The following DNAH17 variants were observed in gnomAD, a reference collection of about 807,000 sequenced individuals.
DNAH17 encodes axonemal beta dynein heavy chain 17.
A neutral mutation model predicts 485.6 loss-of-function variants in DNAH17; 376 were observed. That is an observed-to-expected ratio of 0.77 (90% CI 0.71 to 0.84). DNAH17 has a LOEUF of 0.84. Ranked by LOEUF, DNAH17 falls within the 40% of genes least tolerant of loss-of-function variation. The pLI is 0.00. For synonymous variants in DNAH17, 3,031 were observed against 2,405.9 expected, an observed-to-expected ratio of 1.26 and a Z score of -7.60; for missense variants, 6,370 against 5,839.3, an observed-to-expected ratio of 1.09 and a Z score of -2.96.
chr17:78,492,599 C>T, intron 42 of DNAH17, 34 bp downstream of exon 42: 2 of 1,610,230 alleles, frequency 1.2e-6, no homozygotes, highest in Non-Finnish European at 1.7e-6. Flanking sequence ...ACCAGGAGTG[C>T]CCCTGCAGCC....
chr17:78,570,802 G>A lies in DNAH17; in HGVS notation c.918+146C>T. 6.8e-6 allele frequency: 4 copies of A among 590,190 alleles called. No homozygotes were observed. In the South Asian group the frequency reaches 8.8e-5, roughly 13 times the overall value. The allele number at this position is 590,190 out of a possible 1,614,324, so 36.6% of individuals were successfully genotyped here. On this transcript the variant is annotated intron_variant, in intron 6 of 80. Coordinates refer to ENST00000389840, the MANE Select transcript of DNAH17 (RefSeq NM_173628.4). ...GAACCAGGGAGTTGGAGGTTGCAGTGAGCCGAGATCGCGCCACAGCACTCT... is the reference window on the plus strand; with the variant it reads ...GAACCAGGGAGTTGGAGGTTGCAGTAAGCCGAGATCGCGCCACAGCACTCT...
chr17:78,467,629 GA>G (rs2088537278), intron 55 of DNAH17, among the ~76,000 whole-genome samples: 1 of 152,166 alleles, frequency 6.6e-6, no homozygotes, highest in Non-Finnish European at 1.5e-5. Context: ...AGAGCTATGG[GA>G]TTGGCACCCC....
chr17:78,544,128 C>T (rs867251810), intron 16 of DNAH17, 131 bp from the exon 17 acceptor site: 16 of 1,289,230 alleles, frequency 1.2e-5, no homozygotes, highest in African/African-American at 5.9e-5. Flanking sequence ...TAGTTCTCCA[C>T]GATCCATGCC....
At position 78,444,587 on chromosome 17, in the gene DNAH17, C is replaced by CGCG; in HGVS notation, c.11528+14_11528+16dup. The stretch of plus-strand genomic sequence containing the variant: ...TGGGCCTCGGGGGCGGGGCCCCCGG[C>CGCG]GCGGCGGGACACTCACTTGATAGCG... On this transcript the variant is annotated intron_variant, in intron 71 of 80. Transcript: ENST00000389840. 6.5e-7 allele frequency: 1 copy of CGCG among 1,535,180 alleles called. No individual in the cohort carries two copies. The highest frequency in any genetic ancestry group is 8.8e-7 in the Non-Finnish European group (1 of 1,141,930).
chr17:78,447,410 G>A (rs924719761), intron 69 of DNAH17, among the ~76,000 whole-genome samples: 8 of 152,132 alleles, frequency 5.3e-5, no homozygotes, highest in African/African-American at 1.7e-4. Flanking sequence ...TGTGGGCAGG[G>A]TCTGGGTCAT....
At position 78,495,018 on chromosome 17, in the gene DNAH17, G is replaced by A. The variant is rs1014858274; in HGVS notation, c.5983C>T (p.Leu1995Phe). Residue 1995 changes from leucine to phenylalanine, a missense_variant, in exon 39 of 81, where the codon CTT (leucine) becomes TTT (phenylalanine). Leu to Phe is a conservative substitution (Grantham distance 22). Transcript: ENST00000389840. ...LMAEGFLEAR[L>F]LARKFITLYT... ...AGGGTGATGAACTTCCTGGCCAGAA[G>A]GCGGGCTTCCAGAAAGCCCTCGGCC... is the stretch of plus-strand genomic sequence containing the variant. 1.2e-6 allele frequency: 2 copies of A among 1,612,864 alleles called. No individual in the cohort carries two copies. The highest frequency in any genetic ancestry group is 1.3e-5 in the African/African-American group (1 of 75,048).
intron 19 of DNAH17, among the ~76,000 whole-genome samples, chr17:78,534,731 C>G (rs1207945470): frequency 6.6e-6 from 1 of 152,212 alleles, no homozygotes; most frequent in African/African-American, 2.4e-5. Flanking sequence ...GCCTGGCATA[C>G]CAGAGGCAGG....
chr17:78,470,060 T>G (rs2088673749), intron 54 of DNAH17, among the ~76,000 whole-genome samples: 1 of 144,190 alleles, frequency 6.9e-6, no homozygotes, highest in Non-Finnish European at 1.5e-5. Context: ...GTGGTGAAAA[T>G]GTCTTACTCT....
In DNAH17 at chr17:78,441,176, C is replaced by CCCATCTTTT; in HGVS notation, c.11543_11551dup (p.Glu3848_Met3850dup). On this transcript the variant is annotated inframe_insertion, in exon 72 of 81. Coordinates refer to ENST00000389840, the MANE Select transcript of DNAH17 (RefSeq NM_173628.4). ...ACTCCGGCCTTCCACGAACTTGCTG[C>CCCATCTTTT]CCATCTTTTCCTCCACGAAGTTCCT... 1 of 1,613,846 alleles carries CCCATCTTTT rather than the reference C, an allele frequency of 6.2e-7. No individual in the cohort carries two copies. The highest frequency in any genetic ancestry group is 8.5e-7 in the Non-Finnish European group (1 of 1,179,854).
chr17:78,499,104 T>G lies in DNAH17; in HGVS notation c.5649A>C (p.Gly1883=). 6.3e-7 allele frequency: 1 copy of G among 1,596,174 alleles called. No individual in the cohort carries two copies. The highest frequency in any genetic ancestry group is 1.1e-5 in the South Asian group (1 of 88,394). ...CSEQMDYKSC[G]NIYKGLAQTG... ...TCTGGGCCAGGCCCTTGTAGATATT[T>G]CCACAGGACTGGAAAGGGCGAGATG... The change falls in exon 37 of 81, where the codon GGA becomes GGC. Residue 1883 remains glycine (G), a synonymous_variant. Transcript: ENST00000389840.
In DNAH17 at chr17:78,532,617, G is replaced by C. The variant is rs767946081; in HGVS notation, c.2979C>G (p.Leu993=). Residue 993 remains leucine, a synonymous_variant, in exon 20 of 81, where the codon CTC becomes CTG. Transcript: ENST00000389840. ...TAAACTCCTGCAGGTTGTCCGTCCA[G>C]AGGTAGGAGTACCTCTCAAAGGAAT... ...YQDSFERYSY[L]WTDNLQEFMK... The C allele has an allele frequency of 1.9e-4, 298 of 1,605,666 alleles. 2 individuals are homozygous for C. In the South Asian group the frequency reaches 2.2e-3, roughly 12 times the overall value.
intron 51 of DNAH17, 29 bp downstream of exon 51, chr17:78,478,995 AG>A (rs757786614): frequency 6.3e-7 from 1 of 1,598,136 alleles, no homozygotes; most frequent in Non-Finnish European, 8.6e-7. Flanking sequence ...ACCGTAAGGC[AG>A]GCATGACATA....
Position 78,441,196 on chromosome 17 carries a change from G to A in DNAH17, c.11532C>T (p.Asn3844=). Residue 3844 remains asparagine, a synonymous_variant, in exon 72 of 81, where the codon AAC becomes AAT. Coordinates refer to ENST00000389840, the MANE Select transcript of DNAH17 (RefSeq NM_173628.4). ...TGCTGCCCATCTTTTCCTCCACGAA[G>A]TTCCTAGGGGTGGAGTGCATCAGAG... ...RPDRMTYAIK[N]FVEEKMGSKF... is the part of the protein sequence containing the mutation. The A allele has an allele frequency of 6.2e-7, 1 of 1,613,752 alleles. No homozygotes were observed. The highest frequency in any genetic ancestry group is 1.7e-5 in the Admixed American group (1 of 60,010).
intron 9 of DNAH17, 30 bp from the exon 10 acceptor site, chr17:78,567,196 A>C: frequency 1.9e-6 from 3 of 1,571,614 alleles, no homozygotes; most frequent in Non-Finnish European, 2.6e-6. Context: ...CAGTCAATTC[A>C]TCTTCACAAC....
intron 73 of DNAH17, among the ~76,000 whole-genome samples, chr17:78,438,445 G>GGAGGA (rs1473139795): frequency 8.5e-3 from 64 of 7,518 alleles, no homozygotes; most frequent in Middle Eastern, 0.045. Context: ...AGGAGGAGGA[G>GGAGGA]GGAGGAGGGA....
chr17:78,488,510 G>A (rs1295194046), intron 44 of DNAH17, among the ~76,000 whole-genome samples: 1 of 152,250 alleles, frequency 6.6e-6, no homozygotes, highest in African/African-American at 2.4e-5. Context: ...GTCCCCCTGA[G>A]GACTCCACGA....
At position 78,492,604 on chromosome 17, in the gene DNAH17, G is replaced by C. The variant is rs776255695; in HGVS notation, c.6541+29C>G. On this transcript the variant is annotated intron_variant, in intron 42 of 80. Transcript: ENST00000389840. ...ACTGCACTGGACCAGGAGTGCCCCT[G>C]CAGCCTGTCCCGGGACCACCCTCGT... 3.1e-6 allele frequency: 5 copies of C among 1,611,776 alleles called. No homozygotes were observed. In the South Asian group the frequency reaches 5.5e-5, roughly 18 times the overall value.
chr17:78,495,222 C>A (rs771749580), intron 38 of DNAH17, 125 bp from the exon 39 acceptor site: 278 of 1,280,214 alleles, frequency 2.2e-4, no homozygotes, highest in Non-Finnish European at 2.8e-4. Context: ...GAGTGTTGAA[C>A]CTTCGGTCCT....
In DNAH17 at chr17:78,574,763, C is replaced by T. The variant is rs753635067; in HGVS notation, c.295G>A (p.Gly99Ser). 2.5e-6 allele frequency: 4 copies of T among 1,613,588 alleles called. No individual in the cohort carries two copies. The highest frequency in any genetic ancestry group is 2.7e-5 in the African/African-American group (2 of 74,882). Residue 99 changes from glycine to serine, a missense_variant, in exon 2 of 81, where the codon GGC becomes AGC. Transcript: ENST00000389840. ...TCCACGGGTGTGGGGCTGATGTCGC[C>T]GTAAAGGAGCCGGGCCCTGTAGTTG... ...KDNYRARLLY[G>S]DISPTPVDQL...
Sources: allele counts gnomAD v4.1 joint callset (sites outside exome capture counted in the v4.1 genomes callset), GRCh38; gene constraint gnomAD v4.1.1; transcripts MANE v1.5; gene names NCBI Gene and HGNC (gene_info 2026-07-23, HGNC 2026-07-21).